Variants in HEXB observed in about 807,000 individuals in gnomAD.
HEXB encodes the protein hexosaminidase subunit beta, also known as beta-hexosaminidase subunit beta.
Under a neutral mutation model 71.2 loss-of-function variants are expected in HEXB, and 51 were observed. The observed-to-expected ratio is 0.72, with a 90% confidence interval of 0.57 to 0.90. The LOEUF (loss-of-function observed/expected upper bound fraction) is 0.90. Among genes scored for constraint, HEXB ranks in the 40% least tolerant of loss-of-function variants. The pLI is 0.00. For missense variants in HEXB, 617 were observed against 677.0 expected, an observed-to-expected ratio of 0.91 and a Z score of 0.98; for synonymous variants, 266 against 249.3, an observed-to-expected ratio of 1.07 and a Z score of -0.63.
chr5:74,679,349 CCTT>C (rs1748695044), intron 1 of HEXB, among the ~76,000 whole-genome samples: 1 of 152,140 alleles, frequency 6.6e-6, no homozygotes, highest in African/African-American at 2.4e-5. Context: ...AGAAATAGAT[CCTT>C]CTTATGCCAT....
intron 1 of HEXB, among the ~76,000 whole-genome samples, chr5:74,645,363 G>A (rs1747984628): frequency 1.3e-5 from 2 of 152,138 alleles, no homozygotes; most frequent in South Asian, 4.1e-4. Flanking sequence ...CATGGTACCT[G>A]GCTCCATATA....
In HEXB at chr5:74,644,764, C is replaced by CTTTTTTTT. The variant is rs3058406; in HGVS notation, c.-377+4224_-377+4231dup. Among the ~76,000 whole-genome samples, 62 of 72,954 alleles carry CTTTTTTTT rather than the reference C, an allele frequency of 8.5e-4. 1 individual carries two copies. Among genetic ancestry groups the CTTTTTTTT allele is most frequent in the East Asian group, 1.4e-3 (3 of 2,084 alleles). 47.9% of individuals were successfully genotyped at this position (72,954 alleles called of 152,430 possible). A position where few individuals can be genotyped will look rare whatever the true frequency, so the allele number is the denominator to read the frequency against. ...GAGAGTATTCTTCCTCTTTTTTTTC[C>CTTTTTTTT]TTTTTTTTTTTTTTTTTTTTTTTTT... is the stretch of plus-strand genomic sequence containing the variant. On this transcript the variant is annotated intron_variant, in intron 1 of 13. Coordinates refer to the HEXB transcript ENST00000511181.
chr5:74,718,860 G>C lies in HEXB; in HGVS notation c.1306G>C (p.Val436Leu). 3.1e-6 allele frequency: 5 copies of C among 1,614,116 alleles called. No homozygotes were observed. The highest frequency in any genetic ancestry group is 4.2e-6 in the Non-Finnish European group (5 of 1,179,962). Residue 436 changes from valine to leucine, a missense_variant, in exon 11 of 14, where the codon GTC (valine) becomes CTC (leucine). Physicochemically the swap from Val to Leu is conservative, Grantham distance 32. Transcript: ENST00000261416. ...CGCATATCCTGAGGAACTCAGTAGAGTCACAGCATCTGGCTTCCCTGTAAT... is the reference window on the plus strand; with the variant it reads ...CGCATATCCTGAGGAACTCAGTAGACTCACAGCATCTGGCTTCCCTGTAAT... ...DSAYPEELSR[V>L]TASGFPVILS...
chr5:74,709,600 AG>A (rs1263345228), intron 6 of HEXB, among the ~76,000 whole-genome samples: 3 of 152,168 alleles, frequency 2.0e-5, no homozygotes, highest in Non-Finnish European at 2.9e-5. Flanking sequence ...AAAATGATAA[AG>A]GGGATATCAC....
chr5:74,707,042 C>T (rs142625919), intron 6 of HEXB, among the ~76,000 whole-genome samples: 730 of 124,398 alleles, frequency 5.9e-3, no homozygotes, highest in African/African-American at 6.6e-3. Context: ...AGGCACCCCC[C>T]AGTAGGGGCA....
At chr5:74,669,637 T>G (rs1748496488) in intron 1 of HEXB, among the ~76,000 whole-genome samples, 2 of 152,126 alleles carry the variant, frequency 1.3e-5, no homozygotes, top group Admixed American at 6.5e-5. Flanking sequence ...TGTTTGCCTC[T>G]TCTTAAACCA....
chr5:74,697,736 A>G (rs1749147007), intron 5 of HEXB, among the ~76,000 whole-genome samples: 1 of 151,372 alleles, frequency 6.6e-6, no homozygotes. Flanking sequence ...TCAAAAAAAA[A>G]AAAAAAAAAA....
intron 1 of HEXB, among the ~76,000 whole-genome samples, chr5:74,654,926 T>C (rs938570269): frequency 6.7e-6 from 1 of 149,418 alleles, no homozygotes; most frequent in Non-Finnish European, 1.5e-5. Flanking sequence ...AGCGGGGGAG[T>C]GGAGAGATGG....
rs543503758 is a variant in HEXB at position 74,718,364 on chromosome 5, G to A, written c.1242+1G>A. The stretch of plus-strand genomic sequence containing the variant: ...GGAGGTTTTTGATGATAAAGCAAAG[G>A]TGAGCATTGTGAAGACTGCATCTGA... On this transcript the variant is annotated splice_donor_variant, in intron 10 of 13. Coordinates refer to ENST00000261416, the MANE Select transcript of HEXB (RefSeq NM_000521.4). LOFTEE classifies it high-confidence loss of function. 2 of 1,597,150 alleles carry A rather than the reference G, an allele frequency of 1.3e-6. No homozygotes were observed. Among genetic ancestry groups the A allele is most frequent in the African/African-American group, 1.3e-5 (1 of 74,670 alleles).
chr5:74,683,838 A>G (rs1412073661), upstream of HEXB, among the ~76,000 whole-genome samples: 4 of 131,712 alleles, frequency 3.0e-5, no homozygotes, highest in African/African-American at 1.2e-4. Flanking sequence ...TTTTTTTTTT[A>G]AGATGGAGTC....
chr5:74,688,731 G>A (rs573111174), intron 1 of HEXB, among the ~76,000 whole-genome samples: 2 of 152,252 alleles, frequency 1.3e-5, no homozygotes, highest in South Asian at 2.1e-4. Context: ...TTGCAGGAAG[G>A]TAACAGGAAC....
At chr5:74,653,407 T>C (rs1018796107) in intron 1 of HEXB, among the ~76,000 whole-genome samples, 11 of 152,270 alleles carry the variant, frequency 7.2e-5, no homozygotes, top group South Asian at 2.1e-4. Flanking sequence ...CAAGATGAAG[T>C]AGCAGGGAAT....
intron 1 of HEXB, among the ~76,000 whole-genome samples, chr5:74,661,305 C>A (rs1399369159): frequency 6.6e-6 from 1 of 152,080 alleles, no homozygotes; most frequent in Non-Finnish European, 1.5e-5. Context: ...GGGGTGAAAT[C>A]AACAAAAATG....
chr5:74,669,354 A>G (rs1748491861), intron 1 of HEXB, among the ~76,000 whole-genome samples: 1 of 152,100 alleles, frequency 6.6e-6, no homozygotes, highest in Admixed American at 6.6e-5. Context: ...AAAGGGAGAC[A>G]GTCCTCCTTC....
At chr5:74,690,647 CTCAAAAAAAAAAAAAAAAAAAAAAAAA>C in intron 2 of HEXB, among the ~76,000 whole-genome samples, 1 of 86,988 alleles carries the variant, frequency 1.1e-5, no homozygotes. Flanking sequence ...GTGAGACAGT[CTCAAAAAAAAAAAAAAAAAAAAAAAAA>C]AAAAAAAAAA....
chr5:74,660,190 C>T (rs16872159), intron 1 of HEXB, among the ~76,000 whole-genome samples: 2,478 of 152,314 alleles, frequency 0.016, 74 homozygotes, highest in African/African-American at 0.055. Context: ...GCCATTCCTC[C>T]CTGATAGCCA....
At position 74,652,380 on chromosome 5, in the gene HEXB, C is replaced by CAGGA. The variant is rs1167462213; in HGVS notation, c.-377+11824_-377+11825insGAAG. 6.6e-6 allele frequency among the ~76,000 whole-genome samples: 1 copy of CAGGA among 152,212 alleles called. No individual in the cohort carries two copies. Among genetic ancestry groups the CAGGA allele is most frequent in the Admixed American group, 6.5e-5 (1 of 15,284 alleles). ...GTGTGGGCCTCCTGGCCCACGTGTCCAGCAAGCAAGCCACTCCTGAATACA... is the reference window on the plus strand; with the variant it reads ...GTGTGGGCCTCCTGGCCCACGTGTCCAGGAAGCAAGCAAGCCACTCCTGAATACA... On this transcript the variant is annotated intron_variant, in intron 1 of 13. Transcript: ENST00000511181. This position sits in a 1 kb window ranked among gnomAD's most constrained non-coding sequence, Gnocchi z 5.4.
intron 1 of HEXB, among the ~76,000 whole-genome samples, chr5:74,668,770 T>A (rs1391698860): frequency 6.6e-6 from 1 of 152,234 alleles, no homozygotes; most frequent in African/African-American, 2.4e-5. Context: ...TCTGATGGTC[T>A]CCAATCTTGA....
chr5:74,664,430 T>TTAAAAAAAA (rs768901546), intron 1 of HEXB, among the ~76,000 whole-genome samples: 4 of 79,666 alleles, frequency 5.0e-5, no homozygotes, highest in East Asian at 4.2e-4. Flanking sequence ...ATTCTATCTC[T>TTAAAAAAAA]AAAAAAAAAA....
Sources: allele counts gnomAD v4.1 joint callset (sites outside exome capture counted in the v4.1 genomes callset), GRCh38; gene constraint gnomAD v4.1.1; non-coding constraint Gnocchi (gnomAD v3.1); transcripts MANE v1.5; gene names NCBI Gene and HGNC (gene_info 2026-07-23, HGNC 2026-07-21).